Variants in PIGL observed in about 807,000 individuals in gnomAD.
The protein encoded by PIGL is N-acetylglucosaminyl-phosphatidylinositol de-N-acetylase.
PIGL carries 22 observed loss-of-function variants against 31.1 expected under a neutral mutation model. The ratio of observed to expected loss-of-function variants is 0.71; its 90% CI spans 0.51 to 1.01. The LOEUF is 1.01. PIGL is among the 50% of genes least tolerant of loss of function. PIGL has a pLI of 0.00. For synonymous variants in PIGL, 131 were observed against 117.4 expected (o/e 1.12, Z -0.75); for missense variants, 302 against 315.9 (o/e 0.96, Z 0.33).
chr17:16,228,377 C>A (rs907703211), intron 1 of PIGL, among the ~76,000 whole-genome samples: 4 of 150,700 alleles, frequency 2.7e-5, no homozygotes, highest in Admixed American at 1.3e-4. Flanking sequence ...TATTTTATTT[C>A]TTTATTTATT....
chr17:16,323,434 A>T (rs1216533900), intron 6 of PIGL, among the ~76,000 whole-genome samples: 1 of 151,856 alleles, frequency 6.6e-6, no homozygotes, highest in African/African-American at 2.4e-5. Context: ...AAGTTTCACC[A>T]TGTTGGTCAG....
chr17:16,231,361 A>G lies in PIGL; in HGVS notation c.236-2610A>G, dbSNP rs1256428133. Among the ~76,000 whole-genome samples the G allele has an allele frequency of 2.7e-5, 4 of 150,578 alleles. No homozygotes were observed. The East Asian group carries it at 7.8e-4, about 29-fold the overall frequency. ...GCGTTCCTCCCACTTCAGCCTCCCG[A>G]GTCAGTGGGACTACAGGCGTGAGCC... On this transcript the variant is annotated intron_variant, in intron 1 of 6. Transcript: ENST00000225609.
chr17:16,244,240 C>T (rs1445643200), intron 2 of PIGL, among the ~76,000 whole-genome samples: 1 of 152,174 alleles, frequency 6.6e-6, no homozygotes, highest in Non-Finnish European at 1.5e-5. Flanking sequence ...AGTCCCCAGG[C>T]AAGGAGGTCT....
intron 1 of PIGL, among the ~76,000 whole-genome samples, chr17:16,229,134 A>C (rs1295243895): frequency 6.6e-6 from 1 of 151,928 alleles, no homozygotes; most frequent in South Asian, 2.1e-4. Flanking sequence ...AAAATTAGCC[A>C]GTCTGGGTGG....
intron 1 of PIGL, among the ~76,000 whole-genome samples, chr17:16,222,651 G>A (rs2092634595): frequency 6.6e-6 from 1 of 150,646 alleles, no homozygotes; most frequent in Non-Finnish European, 1.5e-5. Context: ...GTCAGTTGAT[G>A]AAATATCTAA....
intron 2 of PIGL, among the ~76,000 whole-genome samples, chr17:16,247,235 T>A (rs912698149): frequency 3.9e-5 from 6 of 152,178 alleles, no homozygotes; most frequent in African/African-American, 1.4e-4. Flanking sequence ...CTTCAGCACA[T>A]GAATTTGTTG....
chr17:16,244,182 A>G (rs551813708), intron 2 of PIGL, among the ~76,000 whole-genome samples: 1 of 152,350 alleles, frequency 6.6e-6, no homozygotes, highest in South Asian at 2.1e-4. Flanking sequence ...CTCCTAAACC[A>G]TAATTTATAA....
intron 3 of PIGL, among the ~76,000 whole-genome samples, chr17:16,305,229 G>A (rs1383432260): frequency 6.6e-6 from 1 of 152,112 alleles, no homozygotes; most frequent in East Asian, 1.9e-4. Flanking sequence ...GCTGCAGTGA[G>A]CATGATCACG....
intron 2 of PIGL, among the ~76,000 whole-genome samples, chr17:16,244,204 A>C (rs1266486209): frequency 1.3e-5 from 2 of 152,158 alleles, no homozygotes. Context: ...CTTGGGCCTA[A>C]CTCGTTAGTC....
intron 1 of PIGL, among the ~76,000 whole-genome samples, chr17:16,221,174 A>G (rs1360846518): frequency 6.6e-6 from 1 of 152,196 alleles, no homozygotes; most frequent in African/African-American, 2.4e-5. Flanking sequence ...AAAATTTTCA[A>G]TTCTGGTCCC....
At chr17:16,217,632 TGGTGGGTTGGGGG>T in intron 1 of PIGL, 171 bp downstream of exon 1, 4 of 540,062 alleles carry the variant, frequency 7.4e-6, no homozygotes, top group South Asian at 2.9e-5. Flanking sequence ...CCGGCTTACC[TGGTGGGTTGGGGG>T]ACGTCGGCAG....
intron 2 of PIGL, among the ~76,000 whole-genome samples, chr17:16,271,933 C>T (rs980648658): frequency 3.3e-5 from 5 of 152,084 alleles, no homozygotes; most frequent in Non-Finnish European, 5.9e-5. Context: ...CTCTGTCTCC[C>T]AGGCTGGTTT....
intron 2 of PIGL, among the ~76,000 whole-genome samples, chr17:16,256,953 G>C (rs954320540): frequency 2.0e-5 from 3 of 151,994 alleles, no homozygotes; most frequent in Non-Finnish European, 4.4e-5. Flanking sequence ...CTCCTAAAGT[G>C]CTAGGATTGC....
chr17:16,303,907 G>A lies in PIGL; in HGVS notation c.426+3929G>A, dbSNP rs191556931. On this transcript the variant is annotated intron_variant, in intron 3 of 6. Coordinates refer to ENST00000225609, the MANE Select transcript of PIGL (RefSeq NM_004278.4). ...TTTTTTGTATTTTTAGTAGAGACGG[G>A]GTTTCGCCGTGTTAGCCAGGATGGT... Among the ~76,000 whole-genome samples, 1,021 of 152,128 alleles carry A rather than the reference G, an allele frequency of 6.7e-3. 3 individuals carry two copies. Among genetic ancestry groups the A allele is most frequent in the Middle Eastern group, 0.017 (5 of 294 alleles).
chr17:16,219,906 G>C (rs1017489320), intron 1 of PIGL, among the ~76,000 whole-genome samples: 1 of 152,038 alleles, frequency 6.6e-6, no homozygotes, highest in African/African-American at 2.4e-5. Flanking sequence ...ACAACTATAG[G>C]AGTCAAATTA....
At chr17:16,317,581 C>T in intron 5 of PIGL, 194 bp from the exon 6 acceptor site, 2 of 1,392,576 alleles carry the variant, frequency 1.4e-6, no homozygotes, top group Admixed American at 5.8e-5. Flanking sequence ...GCCAGGTCTT[C>T]TATGGCCCTT....
rs181356084 is a variant in PIGL at position 16,239,211 on chromosome 17, G to A, written c.335+5141G>A. ...AATAAAAATGAATTTTGGGCCAGCCGGGTGGCTCACGCCTGTAATCCCAGC... is the reference window on the plus strand; with the variant it reads ...AATAAAAATGAATTTTGGGCCAGCCAGGTGGCTCACGCCTGTAATCCCAGC... On this transcript the variant is annotated intron_variant, in intron 2 of 6. Transcript: ENST00000225609. Among the ~76,000 whole-genome samples the A allele has an allele frequency of 7.9e-5, 12 of 151,350 alleles. No individual in the cohort carries two copies. The South Asian group carries it at 8.4e-4, about 11-fold the overall frequency.
chr17:16,258,102 AAAGAGAG>A (rs2092803305), intron 2 of PIGL, among the ~76,000 whole-genome samples: 3 of 110,702 alleles, frequency 2.7e-5, no homozygotes, highest in Non-Finnish European at 5.5e-5. Context: ...AGAGAGAGAG[AAAGAGAG>A]AGAGAGAGAG....
intron 2 of PIGL, among the ~76,000 whole-genome samples, chr17:16,288,939 T>C (rs933906902): frequency 2.0e-5 from 3 of 152,258 alleles, no homozygotes; most frequent in African/African-American, 7.2e-5. Context: ...TCTCTTTTGC[T>C]GGCTTCTTAT....
Sources: gnomAD v4.1 joint callset for allele counts (sites outside exome capture counted in the v4.1 genomes callset) on GRCh38, gnomAD v4.1.1 for gene constraint, MANE v1.5 for transcripts, NCBI Gene and HGNC (gene_info 2026-07-23, HGNC 2026-07-21) for gene names.